The following DTHD1 variants were observed in gnomAD, a reference collection of about 807,000 sequenced individuals.
DTHD1 encodes the protein death domain containing 1, also known as death domain-containing protein 1.
Under a neutral mutation model 74.8 loss-of-function variants are expected in DTHD1, and 59 were observed. That is an observed-to-expected ratio of 0.79 (90% CI 0.64 to 0.98). The LOEUF is 0.98. Ranked by LOEUF, DTHD1 falls within the 50% of genes least tolerant of loss-of-function variation. The probability of loss-of-function intolerance (pLI) is 0.00; values close to 1 mark genes in which losing one functional copy is unlikely to be tolerated. For synonymous variants in DTHD1, 365 were observed against 371.1 expected (o/e 0.98, Z 0.19); for missense variants, 1,051 against 1,065.4 (o/e 0.99, Z 0.19).
intron 8 of DTHD1, among the ~76,000 whole-genome samples, chr4:36,329,445 C>T (rs1271997370): frequency 6.6e-6 from 1 of 152,180 alleles, no homozygotes; most frequent in African/African-American, 2.4e-5. Context: ...AGATGACAGC[C>T]GTTCCTTGAG....
At chr4:36,307,868 T>C (rs1314264037) in intron 6 of DTHD1, among the ~76,000 whole-genome samples, 1 of 152,218 alleles carries the variant, frequency 6.6e-6, no homozygotes, top group African/African-American at 2.4e-5. Flanking sequence ...AGCTGGTTTC[T>C]TTTTTTATTT....
At chr4:36,296,563 A>C (rs889742668) in intron 5 of DTHD1, among the ~76,000 whole-genome samples, 19 of 152,272 alleles carry the variant, frequency 1.2e-4, no homozygotes, top group African/African-American at 4.6e-4. Context: ...AATATAAGTA[A>C]AATAATCTGT....
rs1454445191 is a variant in DTHD1, at chr4:36,284,171, T to C, written c.467T>C (p.Ile156Thr). 2.6e-6 allele frequency: 4 copies of C among 1,537,212 alleles called. No individual in the cohort carries two copies. The highest frequency in any genetic ancestry group is 1.2e-5 in the South Asian group (1 of 84,064). ...GCTGCAAGAGGGGAACTAAATGTCA[T>C]AGAAACAGCTACTGTTTCTCCCACA... ...DIAARGELNV[I>T]ETATVSPTNG... Residue 156 changes from isoleucine to threonine, a missense_variant, in exon 2 of 10, where the codon ATA (isoleucine) becomes ACA (threonine). By Grantham distance (89) the Ile-to-Thr change is moderately conservative. Transcript: ENST00000639862.
rs1348534305 is a variant in DTHD1 at position 36,316,431 on chromosome 4, T to C, written c.2285T>C (p.Ile762Thr). The change falls in exon 8 of 10, where the codon ATT becomes ACT. Residue 762 changes from isoleucine (I) to threonine (T), a missense_variant. Coordinates refer to ENST00000639862, the MANE Select transcript of DTHD1 (RefSeq NM_001170700.3). ...IVPNLNQSLV[I>T]NENHSQLPIC... Reference sequence around the variant, plus strand: ...CCCAACTTGAATCAATCTCTCGTAATTAATGAAAACCATTCTCAGTTGCCA... The same window carrying C: ...CCCAACTTGAATCAATCTCTCGTAACTAATGAAAACCATTCTCAGTTGCCA... The C allele has an allele frequency of 2.0e-5, 31 of 1,551,668 alleles. No individual in the cohort carries two copies. Among genetic ancestry groups the C allele is most frequent in the Non-Finnish European group, 2.7e-5 (31 of 1,147,004 alleles).
At chr4:36,339,060 T>C in intron 8 of DTHD1, 52 bp from the exon 9 acceptor site, 1 of 1,439,940 alleles carries the variant, frequency 6.9e-7, no homozygotes, top group Non-Finnish European at 9.5e-7. Flanking sequence ...TTGTAGCTTA[T>C]TCACAAATTA....
chr4:36,333,203 T>A (rs1302996267), intron 8 of DTHD1, among the ~76,000 whole-genome samples: 4 of 152,162 alleles, frequency 2.6e-5, no homozygotes, highest in African/African-American at 9.6e-5. Context: ...TTATATAGCA[T>A]AATTATATAT....
In DTHD1 at chr4:36,293,679, A is replaced by AC; in HGVS notation, c.1374dup (p.Ser459LeufsTer13). The AC allele has an allele frequency of 6.5e-7, 1 of 1,537,850 alleles. No homozygotes were observed. Among genetic ancestry groups the AC allele is most frequent in the Non-Finnish European group, 8.8e-7 (1 of 1,138,002 alleles). ...CTTAAATTACCCTCCAGGAGTTTTT[A>AC]CCTCTCCAGTGCTGGTGCAGTTAAA... is the stretch of plus-strand genomic sequence containing the variant. On this transcript the variant is annotated frameshift_variant, in exon 4 of 10. Transcript: ENST00000639862. LOFTEE classifies it high-confidence loss of function.
At chr4:36,324,143 C>G (rs1047715889) in intron 8 of DTHD1, among the ~76,000 whole-genome samples, 1 of 151,968 alleles carries the variant, frequency 6.6e-6, no homozygotes, top group Non-Finnish European at 1.5e-5. Context: ...CTCCTCCCCC[C>G]CATTCCTTTC....
At chr4:36,287,081 G>A (rs371312497) in intron 2 of DTHD1, among the ~76,000 whole-genome samples, 106 of 152,208 alleles carry the variant, frequency 7.0e-4, no homozygotes, top group African/African-American at 2.4e-3. Flanking sequence ...CCCATCACCT[G>A]AGCAGTGTAC....
At chr4:36,327,487 C>T (rs755887836) in intron 8 of DTHD1, among the ~76,000 whole-genome samples, 7 of 152,108 alleles carry the variant, frequency 4.6e-5, no homozygotes, top group Non-Finnish European at 1.0e-4. Flanking sequence ...GAAGTAATAG[C>T]GTCTTCCACG....
rs1384198493 is a variant in DTHD1 at position 36,306,231 on chromosome 4, A to C, written c.1684A>C (p.Ser562Arg). ...CATAAGAAAACCTAGGAAAAATGCC[A>C]GTGAATGTTTGAAATTACTGGGATT... ...ASIRKPRKNA[S>R]ECLKLLGFRS... is the part of the protein sequence containing the mutation. The change falls in exon 6 of 10, where the codon AGT (serine) becomes CGT (arginine). Residue 562 changes from serine (S) to arginine (R), a missense_variant. Physicochemically the swap from Ser to Arg is moderately radical, Grantham distance 110. Transcript: ENST00000639862. 2.6e-6 allele frequency: 4 copies of C among 1,551,824 alleles called. No individual in the cohort carries two copies. Among genetic ancestry groups the C allele is most frequent in the South Asian group, 2.4e-5 (2 of 84,062 alleles).
intron 3 of DTHD1, among the ~76,000 whole-genome samples, chr4:36,292,485 AC>A (rs1446134461): frequency 6.6e-6 from 1 of 152,108 alleles, no homozygotes; most frequent in Non-Finnish European, 1.5e-5. Flanking sequence ...TTATTTAAAA[AC>A]CCTTTTGGCC....
At chr4:36,334,484 T>C (rs1758891102) in intron 8 of DTHD1, among the ~76,000 whole-genome samples, 1 of 151,654 alleles carries the variant, frequency 6.6e-6, no homozygotes, top group African/African-American at 2.4e-5. Flanking sequence ...TTCAGACTCC[T>C]GAGTAGCTGG....
At chr4:36,286,423 G>T (rs1044534701) in intron 2 of DTHD1, among the ~76,000 whole-genome samples, 1 of 152,022 alleles carries the variant, frequency 6.6e-6, no homozygotes, top group Non-Finnish European at 1.5e-5. Flanking sequence ...GCAATCCCTC[G>T]GCCTAGGAAG....
intron 7 of DTHD1, among the ~76,000 whole-genome samples, chr4:36,309,069 A>G: frequency 6.6e-6 from 1 of 152,306 alleles, no homozygotes; most frequent in South Asian, 2.1e-4. Context: ...TATATTTTTC[A>G]AAGACTACTC....
intron 5 of DTHD1, among the ~76,000 whole-genome samples, chr4:36,297,609 G>A (rs1000666097): frequency 3.9e-5 from 6 of 152,256 alleles, no homozygotes; most frequent in African/African-American, 1.4e-4. Flanking sequence ...CAAATAACCA[G>A]AGAGTGTTAT....
At chr4:36,323,123 T>C (rs1758135967) in intron 8 of DTHD1, among the ~76,000 whole-genome samples, 1 of 152,212 alleles carries the variant, frequency 6.6e-6, no homozygotes, top group Admixed American at 6.5e-5. Flanking sequence ...CCCACACATT[T>C]ACGTAAGCCA....
At chr4:36,325,981 AT>A (rs1353030747) in intron 8 of DTHD1, among the ~76,000 whole-genome samples, 1 of 152,150 alleles carries the variant, frequency 6.6e-6, no homozygotes, top group African/African-American at 2.4e-5. Context: ...TTGGATGTCT[AT>A]TGATTAAAAG....
chr4:36,323,780 C>A (rs1293589262), intron 8 of DTHD1, among the ~76,000 whole-genome samples: 1 of 152,058 alleles, frequency 6.6e-6, no homozygotes, highest in Non-Finnish European at 1.5e-5. Context: ...CATGTCCCTT[C>A]CCCTATCAAT....
Sources: allele counts gnomAD v4.1 joint callset (sites outside exome capture counted in the v4.1 genomes callset), GRCh38; gene constraint gnomAD v4.1.1; transcripts MANE v1.5; gene names NCBI Gene and HGNC (gene_info 2026-07-23, HGNC 2026-07-21).